The following RASGEF1A variants were observed in gnomAD, a reference collection of about 807,000 sequenced individuals.
RASGEF1A encodes the protein ras-GEF domain-containing family member 1A.
In RASGEF1A, 18 loss-of-function variants were observed where a neutral mutation model predicts 56.4. That is an observed-to-expected ratio of 0.32 (90% CI 0.22 to 0.47). RASGEF1A has a LOEUF of 0.47. Among genes scored for constraint, RASGEF1A ranks in the 20% least tolerant of loss-of-function variants. The probability of loss-of-function intolerance (pLI) is 1.00; values close to 1 mark genes in which losing one functional copy is unlikely to be tolerated. For synonymous variants in RASGEF1A, 245 were observed against 242.6 expected (o/e 1.01, Z -0.09); for missense variants, 422 against 627.1 (o/e 0.67, Z 3.49).
chr10:43,215,379 A>G (rs1840122283), intron 1 of RASGEF1A, among the ~76,000 whole-genome samples: 1 of 152,206 alleles, frequency 6.6e-6, no homozygotes, highest in Admixed American at 6.5e-5. Context: ...AGGGCATCAC[A>G]ATTAGCAACT....
intron 1 of RASGEF1A, among the ~76,000 whole-genome samples, chr10:43,252,292 G>C (rs561076111): frequency 6.6e-6 from 1 of 152,326 alleles, no homozygotes; most frequent in Admixed American, 6.5e-5. Flanking sequence ...GGGACACAGA[G>C]CAGTGCACCC....
intron 1 of RASGEF1A, chr10:43,207,254 A>AT: frequency 1.0e-6 from 1 of 985,550 alleles, no homozygotes; most frequent in Non-Finnish European, 1.2e-6. Context: ...CCCTCCTGCC[A>AT]TTTTGGCCTT....
At chr10:43,246,588 A>G (rs1840569226) in intron 1 of RASGEF1A, among the ~76,000 whole-genome samples, 1 of 152,206 alleles carries the variant, frequency 6.6e-6, no homozygotes, top group African/African-American at 2.4e-5. Context: ...AATCAACAGA[A>G]TAAAGGTGAG....
At chr10:43,260,322 A>C (rs748413626) in intron 1 of RASGEF1A, among the ~76,000 whole-genome samples, 30 of 152,180 alleles carry the variant, frequency 2.0e-4, no homozygotes, top group Non-Finnish European at 3.2e-4. Flanking sequence ...TCCACTCTGC[A>C]ACCTGGGCCC....
intron 1 of RASGEF1A, chr10:43,229,862 C>G: frequency 1.6e-6 from 1 of 624,314 alleles, no homozygotes; most frequent in Non-Finnish European, 2.3e-6. Context: ...GCCGCGAGGC[C>G]GGCCAGGAAC....
At chr10:43,208,293 G>A (rs1456878863) in intron 1 of RASGEF1A, 1 of 985,492 alleles carries the variant, frequency 1.0e-6, no homozygotes, top group Admixed American at 6.1e-5. Context: ...CTGGTCAGGA[G>A]GTAGTATGTG....
intron 1 of RASGEF1A, chr10:43,207,571 C>G (rs1840014747): frequency 1.0e-6 from 1 of 985,512 alleles, no homozygotes. Context: ...AGCAAGAACG[C>G]AACCAAAGGC....
At chr10:43,245,552 C>G (rs1840558947) in intron 1 of RASGEF1A, among the ~76,000 whole-genome samples, 1 of 152,198 alleles carries the variant, frequency 6.6e-6, no homozygotes, top group Non-Finnish European at 1.5e-5. Flanking sequence ...CAAATCAGAT[C>G]CAGCAGCATA....
chr10:43,249,610 T>C (rs779544189), intron 1 of RASGEF1A, among the ~76,000 whole-genome samples: 25 of 152,190 alleles, frequency 1.6e-4, no homozygotes, highest in Admixed American at 3.3e-4. Flanking sequence ...ACTGCCAAGA[T>C]GGGACTGAAA....
At chr10:43,211,156 G>A (rs777880493) in intron 1 of RASGEF1A, among the ~76,000 whole-genome samples, 4 of 152,176 alleles carry the variant, frequency 2.6e-5, no homozygotes, top group Non-Finnish European at 5.9e-5. Flanking sequence ...TGGAGGACGC[G>A]CCTCACTCCC....
At chr10:43,213,148 A>C (rs1331378133) in intron 1 of RASGEF1A, among the ~76,000 whole-genome samples, 1 of 152,152 alleles carries the variant, frequency 6.6e-6, no homozygotes, top group East Asian at 1.9e-4. Flanking sequence ...TAGATAGAAG[A>C]AATAACTTCT....
Position 43,196,088 on chromosome 10 carries a change from A to G in RASGEF1A, c.*156T>C. 1 of 687,872 alleles carries G rather than the reference A, an allele frequency of 1.5e-6. No homozygotes were observed. The highest frequency in any genetic ancestry group is 2.4e-6 in the Non-Finnish European group (1 of 418,290). The allele number at this position is 687,872 out of a possible 1,614,324, so 42.6% of individuals were successfully genotyped here. ...ACAAAAAAAACTTTGTAAGTGCCAA[A>G]GGTTGATGCGTGAAATAATTACCAT... On this transcript the variant is annotated 3_prime_UTR_variant, in exon 13 of 13. Transcript: ENST00000395810. This position sits in a 1 kb window ranked among gnomAD's most constrained non-coding sequence, Gnocchi z 4.6.
chr10:43,234,791 C>A (rs76694958), intron 1 of RASGEF1A, among the ~76,000 whole-genome samples: 1 of 152,212 alleles, frequency 6.6e-6, no homozygotes, highest in East Asian at 1.9e-4. Flanking sequence ...TGGCAAAACA[C>A]GAAGCAAAAT....
intron 1 of RASGEF1A, among the ~76,000 whole-genome samples, chr10:43,241,383 C>G (rs895537676): frequency 2.0e-5 from 3 of 152,016 alleles, no homozygotes; most frequent in Non-Finnish European, 4.4e-5. Context: ...ATGGCAGTAA[C>G]AGCACAAAGG....
intron 2 of RASGEF1A, among the ~76,000 whole-genome samples, chr10:43,204,118 G>T (rs920361395): frequency 6.6e-6 from 1 of 152,204 alleles, no homozygotes; most frequent in Admixed American, 6.5e-5. Context: ...GAGGGTCAAT[G>T]TCTGTGGGAA....
In RASGEF1A at chr10:43,208,988, C is replaced by T. The variant is rs78637676; in HGVS notation, c.-6-2866G>A. ...GCACTTCCACTGCGGGGTCCCCTGC[C>T]GGCCACCCCCACCCAGCCCTGAGGT... is the stretch of plus-strand genomic sequence containing the variant. On this transcript the variant is annotated intron_variant, in intron 1 of 12. Coordinates refer to ENST00000395810, the MANE Select transcript of RASGEF1A (RefSeq NM_145313.4). 3.4e-4 allele frequency: 337 copies of T among 985,512 alleles called. 2 individuals are homozygous for T. The African/African-American group carries it at 5.6e-3, about 16-fold the overall frequency. 61.0% of individuals were successfully genotyped at this position (985,512 alleles called of 1,614,324 possible). A position where few individuals can be genotyped will look rare whatever the true frequency, so the allele number is the denominator to read the frequency against.
rs1269242184 is a variant in RASGEF1A at position 43,195,526 on chromosome 10, T to A, written c.*718A>T. 6.6e-6 allele frequency: 1 copy of A among 152,438 alleles called. No individual in the cohort carries two copies. Among genetic ancestry groups the A allele is most frequent in the Non-Finnish European group, 1.5e-5 (1 of 68,046 alleles). 9.4% of individuals were successfully genotyped at this position (152,438 alleles called of 1,614,324 possible). A position where few individuals can be genotyped will look rare whatever the true frequency, so the allele number is the denominator to read the frequency against. ...TTCCCTCCCTTACCTTATTTTAGAT[T>A]TCCTCCTTTCTAAAATGTAGTTGAA... On this transcript the variant is annotated 3_prime_UTR_variant, in exon 13 of 13. Transcript: ENST00000395810. The surrounding 1 kb of genome is among the most constrained non-coding windows in gnomAD (Gnocchi z 4.2).
At chr10:43,262,666 A>C (rs1588955038) in intron 1 of RASGEF1A, among the ~76,000 whole-genome samples, 1 of 152,266 alleles carries the variant, frequency 6.6e-6, no homozygotes, top group African/African-American at 2.4e-5. Context: ...AGACAAGTAC[A>C]CCCAAGGCGG....
At chr10:43,207,977 A>T in intron 1 of RASGEF1A, 1 of 924,714 alleles carries the variant, frequency 1.1e-6, no homozygotes, top group Non-Finnish European at 1.3e-6. Context: ...CCACAAAGCC[A>T]GAAGTGGCTG....
Sources: gnomAD v4.1 joint callset for allele counts (sites outside exome capture counted in the v4.1 genomes callset) on GRCh38, gnomAD v4.1.1 for gene constraint, Gnocchi (gnomAD v3.1) non-coding constraint, MANE v1.5 for transcripts, NCBI Gene and HGNC (gene_info 2026-07-23, HGNC 2026-07-21) for gene names.